The following PRDM5 variants were observed in gnomAD, a reference collection of about 807,000 sequenced individuals.
PRDM5 encodes the protein PR domain zinc finger protein 5.
In PRDM5, 56 loss-of-function variants were observed where a neutral mutation model predicts 81.2. The observed-to-expected ratio is 0.69, with a 90% CI of 0.56 to 0.86. The LOEUF is 0.86. Ranked by LOEUF, PRDM5 falls within the 40% of genes least tolerant of loss-of-function variation. The pLI, the probability that PRDM5 is intolerant of heterozygous loss-of-function variation, is 0.00. For synonymous variants in PRDM5, 267 were observed against 256.4 expected (o/e 1.04, Z -0.39); for missense variants, 697 against 770.1 (o/e 0.91, Z 1.12).
At chr4:120,918,413 C>CA (rs1191427620) in intron 1 of PRDM5, among the ~76,000 whole-genome samples, 1 of 152,162 alleles carries the variant, frequency 6.6e-6, no homozygotes, top group Non-Finnish European at 1.5e-5. Flanking sequence ...TTTCTTCAGA[C>CA]AAGTCACCTT....
At chr4:120,697,082 C>T (rs1312583764) in intron 15 of PRDM5, among the ~76,000 whole-genome samples, 1 of 151,960 alleles carries the variant, frequency 6.6e-6, no homozygotes, top group East Asian at 1.9e-4. Context: ...TTATAATAAT[C>T]AATATAAAAG....
intron 8 of PRDM5, among the ~76,000 whole-genome samples, chr4:120,807,509 C>T (rs1180060407): frequency 6.6e-6 from 1 of 152,218 alleles, no homozygotes; most frequent in East Asian, 1.9e-4. Context: ...GGCACACATA[C>T]ACCATGGAAT....
intron 2 of PRDM5, among the ~76,000 whole-genome samples, chr4:120,905,275 G>A (rs911396230): frequency 5.9e-5 from 9 of 152,054 alleles, no homozygotes; most frequent in African/African-American, 1.4e-4. Context: ...TCAACAATAC[G>A]GGTGATGCTT....
intron 2 of PRDM5, among the ~76,000 whole-genome samples, chr4:120,907,166 C>G (rs1765898054): frequency 6.6e-6 from 1 of 151,920 alleles, no homozygotes; most frequent in Non-Finnish European, 1.5e-5. Flanking sequence ...AAAACCCCGT[C>G]TCAACTAAAA....
At chr4:120,895,266 C>G (rs1486572356) in intron 2 of PRDM5, among the ~76,000 whole-genome samples, 2 of 152,022 alleles carry the variant, frequency 1.3e-5, no homozygotes, top group Non-Finnish European at 2.9e-5. Context: ...TTTTTTAAGG[C>G]AAGAAACTTG....
chr4:120,810,996 A>G (rs758760601), intron 8 of PRDM5, among the ~76,000 whole-genome samples: 11 of 152,154 alleles, frequency 7.2e-5, no homozygotes, highest in Non-Finnish European at 1.6e-4. Flanking sequence ...AACCATAACA[A>G]AAGTAAAATT....
At chr4:120,750,120 T>C (rs528217754) in intron 14 of PRDM5, among the ~76,000 whole-genome samples, 17 of 151,628 alleles carry the variant, frequency 1.1e-4, no homozygotes, top group African/African-American at 2.9e-4. Context: ...TTGCATTTAA[T>C]TGGATTTAAT....
intron 2 of PRDM5, among the ~76,000 whole-genome samples, chr4:120,873,442 C>T (rs1009033025): frequency 1.3e-5 from 2 of 152,158 alleles, no homozygotes; most frequent in African/African-American, 4.8e-5. Flanking sequence ...CAAGACAGAG[C>T]CTGCTTTTCA....
At chr4:120,739,760 G>A (rs1741639088) in intron 14 of PRDM5, among the ~76,000 whole-genome samples, 1 of 151,508 alleles carries the variant, frequency 6.6e-6, no homozygotes, top group Non-Finnish European at 1.5e-5. Flanking sequence ...CTTATTTCAG[G>A]AGCATCATTT....
At position 120,725,289 on chromosome 4, in the gene PRDM5, G is replaced by A. The variant is rs181952698; in HGVS notation, c.1624-14876C>T. On this transcript the variant is annotated intron_variant, in intron 14 of 15. Coordinates refer to ENST00000264808, the MANE Select transcript of PRDM5 (RefSeq NM_018699.4). ...ATATACAGTTGTTTTTTTTTTTTCT[G>A]TAAGCAAATTTGAGTTCAATCTTCT... 1.9e-3 allele frequency among the ~76,000 whole-genome samples: 218 copies of A among 115,980 alleles called. 1 individual carries two copies. The highest frequency in any genetic ancestry group is 6.4e-3 in the African/African-American group (202 of 31,778). The allele number at this position is 115,980 out of a possible 152,430, so 76.1% of individuals were successfully genotyped here.
intron 10 of PRDM5, among the ~76,000 whole-genome samples, chr4:120,791,455 C>T (rs1360071965): frequency 6.6e-6 from 1 of 152,180 alleles, no homozygotes; most frequent in South Asian, 2.1e-4. Flanking sequence ...CCTAAAAGAA[C>T]TTCCTCTTAC....
intron 14 of PRDM5, among the ~76,000 whole-genome samples, chr4:120,736,348 A>T (rs890255341): frequency 6.6e-5 from 10 of 152,028 alleles, no homozygotes; most frequent in Non-Finnish European, 1.3e-4. Flanking sequence ...TATCTTTTTG[A>T]TATAATGATT....
chr4:120,816,486 C>T lies in PRDM5; in HGVS notation c.832G>A (p.Ala278Thr), dbSNP rs1273587678. 6.2e-7 allele frequency: 1 copy of T among 1,614,048 alleles called. No individual in the cohort carries two copies. The highest frequency in any genetic ancestry group is 1.3e-5 in the African/African-American group (1 of 74,920). Residue 278 changes from alanine (A) to threonine (T), a missense_variant, in exon 7 of 16, where the codon GCC becomes ACC. Ala to Thr is a moderately conservative substitution (Grantham distance 58, BLOSUM62 0). Transcript: ENST00000264808. The stretch of plus-strand genomic sequence containing the variant: ...ACATTTTCCTGGTGTCTTTTCAGGG[C>T]ATCCTTGCTCTTCAGCCTCTTTCCA... ...SCGKRLKSKD[A>T]LKRHQENVHT...
In PRDM5 at chr4:120,866,601, G is replaced by A. The variant is rs558365722; in HGVS notation, c.178-13061C>T. ...TATTAAGCACGTTTAACAGATGAGC[G>A]AACTGAAGCAGAAACAGAAATGAAT... On this transcript the variant is annotated intron_variant, in intron 2 of 15. Transcript: ENST00000264808. 3.9e-5 allele frequency among the ~76,000 whole-genome samples: 6 copies of A among 152,238 alleles called. No individual in the cohort carries two copies. The East Asian group carries it at 5.8e-4, about 15-fold the overall frequency.
At position 120,832,496 on chromosome 4, in the gene PRDM5, G is replaced by A. The variant is rs35804527; in HGVS notation, c.301-11151C>T. ...AATTATTCCCCAAATATTCATTTAC[G>A]CTGTATTGCATGAGAATTAGCTAAA... On this transcript the variant is annotated intron_variant, in intron 3 of 15. Transcript: ENST00000264808. 4.1e-3 allele frequency among the ~76,000 whole-genome samples: 631 copies of A among 152,110 alleles called. 2 individuals are homozygous for A. The highest frequency in any genetic ancestry group is 6.6e-3 in the Non-Finnish European group (446 of 67,976).
intron 14 of PRDM5, among the ~76,000 whole-genome samples, chr4:120,723,455 CTAAG>C (rs1441932694): frequency 5.3e-5 from 8 of 152,080 alleles, no homozygotes; most frequent in Non-Finnish European, 1.0e-4. Flanking sequence ...TGCATAATGA[CTAAG>C]TGTTTAGATT....
intron 15 of PRDM5, among the ~76,000 whole-genome samples, chr4:120,709,001 A>G (rs888102676): frequency 1.3e-5 from 2 of 152,108 alleles, no homozygotes; most frequent in Admixed American, 6.5e-5. Context: ...TTTTAAACAC[A>G]TCATAGAAAT....
Position 120,911,390 on chromosome 4 carries a change from C to A in PRDM5, c.94-3833G>T, listed in dbSNP as rs182599391. Reference sequence around the variant, plus strand: ...ATTCAGCCTGTACACACCAAACTGTCTGAGTCAAACTCACTTCTCAGACTG... The same window carrying A: ...ATTCAGCCTGTACACACCAAACTGTATGAGTCAAACTCACTTCTCAGACTG... On this transcript the variant is annotated intron_variant, in intron 1 of 15. Coordinates refer to ENST00000264808, the MANE Select transcript of PRDM5 (RefSeq NM_018699.4). Among the ~76,000 whole-genome samples, 200 of 152,340 alleles carry A rather than the reference C, an allele frequency of 1.3e-3. 1 individual carries two copies. Among genetic ancestry groups the A allele is most frequent in the African/African-American group, 4.5e-3 (188 of 41,578 alleles).
intron 5 of PRDM5, 186 bp downstream of exon 5, chr4:120,818,167 T>C: frequency 1.7e-6 from 1 of 600,458 alleles, no homozygotes. Context: ...ATAATCAACA[T>C]ACTATACTAA....
Sources: gnomAD v4.1 joint callset for allele counts (sites outside exome capture counted in the v4.1 genomes callset) on GRCh38, gnomAD v4.1.1 for gene constraint, MANE v1.5 for transcripts, NCBI Gene and HGNC (gene_info 2026-07-23, HGNC 2026-07-21) for gene names.